DMD: variants seen among roughly 807,000 people sequenced by gnomAD.
DMD encodes dystrophin, also known as mutant dystrophin.
Under a neutral mutation model 330.1 loss-of-function variants are expected in DMD, and 63 were observed. That is an observed-to-expected ratio of 0.19 (90% CI 0.16 to 0.24). The LOEUF (loss-of-function observed/expected upper bound fraction) is 0.24. Among genes scored for constraint, DMD ranks in the 10% least tolerant of loss-of-function variants. The pLI, the probability that DMD is intolerant of heterozygous loss-of-function variation, is 1.00. For synonymous variants in DMD, 1,223 were observed against 959.8 expected (o/e 1.27, Z -5.07); for missense variants, 3,344 against 2,684.1 (o/e 1.25, Z -5.43).
chrX:33,104,618 G>C (rs934669369), intron 1 of DMD, among the ~76,000 whole-genome samples: 9 of 108,870 alleles, frequency 8.3e-5, no homozygotes, highest in East Asian at 2.9e-4. Flanking sequence ...CTCTCTTTTC[G>C]GACTCAGCCC....
intron 47 of DMD, among the ~76,000 whole-genome samples, chrX:31,927,273 C>G (rs1013062337): frequency 8.9e-6 from 1 of 112,045 alleles, no homozygotes; most frequent in African/African-American, 3.2e-5. Flanking sequence ...TAAGTCTATA[C>G]ATGATGGTGT....
chrX:31,981,699 C>T (rs750401297), intron 44 of DMD, among the ~76,000 whole-genome samples: 4 of 111,332 alleles, frequency 3.6e-5, no homozygotes, highest in Non-Finnish European at 7.5e-5. Context: ...CTTGTCTGCT[C>T]TGTCAAGGAG....
intron 1 of DMD, among the ~76,000 whole-genome samples, chrX:33,319,495 T>G (rs903779792): frequency 9.0e-6 from 1 of 111,074 alleles, no homozygotes; most frequent in Non-Finnish European, 1.9e-5. Flanking sequence ...GAGACAGAAA[T>G]GAAAAATCAG....
At chrX:32,275,867 A>T (rs2097384430) in intron 43 of DMD, among the ~76,000 whole-genome samples, 1 of 111,516 alleles carries the variant, frequency 9.0e-6, no homozygotes, top group South Asian at 3.8e-4. Flanking sequence ...AATTGTAACA[A>T]CTATGAGCAG....
chrX:31,339,212 T>C (rs925958701), intron 61 of DMD, among the ~76,000 whole-genome samples: 1 of 111,825 alleles, frequency 8.9e-6, no homozygotes, highest in Admixed American at 9.5e-5. Flanking sequence ...CAAAATCTGG[T>C]TGCTAATGAT....
chrX:31,178,550 A>T, intron 70 of DMD, 119 bp downstream of exon 70: 1 of 1,053,062 alleles, frequency 9.5e-7, no homozygotes, highest in Non-Finnish European at 1.2e-6. Context: ...CAGCTAATGT[A>T]AATAAAAAGA....
intron 44 of DMD, among the ~76,000 whole-genome samples, chrX:32,191,378 T>C (rs954980430): frequency 1.8e-5 from 2 of 112,179 alleles, no homozygotes; most frequent in African/African-American, 3.2e-5. Context: ...TATGAACAAC[T>C]AACTAACTTC....
chrX:32,040,172 T>C (rs1278339949), intron 44 of DMD, among the ~76,000 whole-genome samples: 1 of 112,133 alleles, frequency 8.9e-6, no homozygotes, highest in Non-Finnish European at 1.9e-5. Context: ...TCCACTTTGG[T>C]AACAACTGAC....
chrX:32,663,270 T>C (rs1038717349), intron 9 of DMD, among the ~76,000 whole-genome samples: 5 of 111,502 alleles, frequency 4.5e-5, no homozygotes, highest in African/African-American at 1.6e-4. Flanking sequence ...AGAGGTGATA[T>C]ATCCTTAATC....
intron 1 of DMD, among the ~76,000 whole-genome samples, chrX:33,237,346 C>G (rs749656790): frequency 9.2e-6 from 1 of 108,702 alleles, no homozygotes; most frequent in Non-Finnish European, 1.9e-5. Context: ...CAGGTTCAAG[C>G]GATTCTTCTG....
intron 1 of DMD, among the ~76,000 whole-genome samples, chrX:33,117,862 G>A (rs2095396780): frequency 2.8e-5 from 1 of 35,590 alleles, no homozygotes; most frequent in African/African-American, 9.0e-5. Flanking sequence ...TCAACTTGTT[G>A]CAATTTGCAC....
intron 50 of DMD, among the ~76,000 whole-genome samples, chrX:31,796,065 T>C (rs997081453): frequency 3.6e-5 from 4 of 111,914 alleles, no homozygotes; most frequent in Non-Finnish European, 7.5e-5. Context: ...CGGCCTTGTG[T>C]ACCAAGCTGA....
At chrX:32,374,828 TACAC>T (rs2097894944) in intron 34 of DMD, among the ~76,000 whole-genome samples, 1 of 112,059 alleles carries the variant, frequency 8.9e-6, no homozygotes, top group Non-Finnish European at 1.9e-5. Context: ...TGTTACACAA[TACAC>T]CCATGTAACA....
chrX:32,902,158 A>AAC (rs774414536), intron 2 of DMD, among the ~76,000 whole-genome samples: 9,730 of 86,449 alleles, frequency 0.11, 532 homozygotes, highest in Non-Finnish European at 0.14. Context: ...CACACACACA[A>AAC]ACACACACAC....
chrX:32,747,323 C>G (rs1038828719), intron 7 of DMD, among the ~76,000 whole-genome samples: 7 of 112,098 alleles, frequency 6.2e-5, no homozygotes, highest in Admixed American at 9.5e-5. Flanking sequence ...GACAGCTACT[C>G]CAGGGCAAAG....
At chrX:32,796,749 A>G (rs1435942520) in intron 7 of DMD, among the ~76,000 whole-genome samples, 1 of 112,160 alleles carries the variant, frequency 8.9e-6, no homozygotes, top group Non-Finnish European at 1.9e-5. Context: ...AATAAAAATA[A>G]AAGTTCTAAA....
chrX:31,880,687 C>A (rs1427013570), intron 47 of DMD, among the ~76,000 whole-genome samples: 10 of 112,048 alleles, frequency 8.9e-5, no homozygotes, highest in Non-Finnish European at 1.9e-4. Flanking sequence ...TGACTGTGAT[C>A]CTATGAGATT....
intron 60 of DMD, among the ~76,000 whole-genome samples, chrX:31,388,966 C>T (rs1253859214): frequency 8.9e-6 from 1 of 112,434 alleles, no homozygotes; most frequent in Non-Finnish European, 1.9e-5. Context: ...ATCTCAGCAT[C>T]CTATTAGGAA....
chrX:32,937,844 A>G (rs892779498), intron 2 of DMD, among the ~76,000 whole-genome samples: 2 of 111,058 alleles, frequency 1.8e-5, no homozygotes, highest in Admixed American at 1.9e-4. Context: ...TTTCTGGAGT[A>G]AAACAGGTAC....
Sources: gnomAD v4.1 joint callset for allele counts (sites outside exome capture counted in the v4.1 genomes callset) on GRCh38, gnomAD v4.1.1 for gene constraint, MANE v1.5 for transcripts, NCBI Gene and HGNC (gene_info 2026-07-23, HGNC 2026-07-21) for gene names.